FGF14: variants seen among roughly 807,000 people sequenced by gnomAD.
FGF14 encodes the protein fibroblast growth factor 14.
Under a neutral mutation model 25.5 loss-of-function variants are expected in FGF14, and 5 were observed. The observed-to-expected ratio is 0.20, with a 90% confidence interval of 0.10 to 0.41. The LOEUF is 0.41. FGF14 is among the 10% of genes least tolerant of loss of function. The pLI is 1.00. For synonymous variants in FGF14, 138 were observed against 118.3 expected, an observed-to-expected ratio of 1.17 and a Z score of -1.08; for missense variants, 222 against 320.1, an observed-to-expected ratio of 0.69 and a Z score of 2.34.
At position 101,714,369 on chromosome 13, in the gene FGF14, C is replaced by T. The variant is rs984924913; in HGVS notation, c.*8462G>A. The T allele has an allele frequency of 3.6e-5, 33 of 909,858 alleles. No individual in the cohort carries two copies. Among genetic ancestry groups the T allele is most frequent in the South Asian group, 8.0e-5 (6 of 75,072 alleles). 56.4% of individuals were successfully genotyped at this position (909,858 alleles called of 1,614,324 possible). On this transcript the variant is annotated 3_prime_UTR_variant, in exon 5 of 5. Transcript: ENST00000376143. The stretch of plus-strand genomic sequence containing the variant: ...TAGAAGCCTGTTGTCAGTGTGTCAA[C>T]GATATTCTATTCGAGATGGAAACCT...
chr13:102,316,390 C>A (rs1391355444), intron 1 of FGF14, among the ~76,000 whole-genome samples: 1 of 152,118 alleles, frequency 6.6e-6, no homozygotes, highest in Non-Finnish European at 1.5e-5. Context: ...TTAATTCGCT[C>A]GCCTGAATAT....
chr13:102,159,415 A>G (rs2047521853), intron 1 of FGF14, among the ~76,000 whole-genome samples: 3 of 152,340 alleles, frequency 2.0e-5, no homozygotes, highest in African/African-American at 7.2e-5. Flanking sequence ...TACAGAGTAC[A>G]AAAGTGGAAG....
chr13:101,910,816 G>T (rs910192209), intron 1 of FGF14, among the ~76,000 whole-genome samples: 1 of 144,300 alleles, frequency 6.9e-6, no homozygotes, highest in Non-Finnish European at 1.5e-5. Flanking sequence ...TCTCTGAAAT[G>T]GTCTCTTAGA....
chr13:102,160,931 A>T (rs573985180), intron 1 of FGF14, among the ~76,000 whole-genome samples: 1 of 152,318 alleles, frequency 6.6e-6, no homozygotes, highest in African/African-American at 2.4e-5. Flanking sequence ...AAGAACTCAC[A>T]ACTGAACCTC....
At chr13:101,766,822 TAG>T (rs953521382) in intron 3 of FGF14, among the ~76,000 whole-genome samples, 2 of 151,782 alleles carry the variant, frequency 1.3e-5, no homozygotes, top group African/African-American at 4.8e-5. Context: ...AAGGCAGAGG[TAG>T]AGATTAGGGT....
chr13:101,796,016 C>T (rs2040499374), intron 3 of FGF14, among the ~76,000 whole-genome samples: 1 of 151,984 alleles, frequency 6.6e-6, no homozygotes, highest in Non-Finnish European at 1.5e-5. Flanking sequence ...ATCTCAGATA[C>T]TTACCAAAAA....
intron 1 of FGF14, among the ~76,000 whole-genome samples, chr13:102,307,650 A>G (rs996949609): frequency 6.6e-6 from 1 of 152,176 alleles, no homozygotes; most frequent in Non-Finnish European, 1.5e-5. Flanking sequence ...TTTTTAGTAT[A>G]TGTACATGTA....
chr13:102,160,231 C>T (rs1208044121), intron 1 of FGF14, among the ~76,000 whole-genome samples: 1 of 152,152 alleles, frequency 6.6e-6, no homozygotes, highest in South Asian at 2.1e-4. Flanking sequence ...TCCCTAGCAT[C>T]CTCCACGCTT....
intron 1 of FGF14, among the ~76,000 whole-genome samples, chr13:102,131,931 G>A (rs1434083736): frequency 6.6e-6 from 1 of 152,204 alleles, no homozygotes; most frequent in African/African-American, 2.4e-5. Context: ...ACTAAAGATA[G>A]GAGGAATTAA....
chr13:101,968,608 G>A (rs981100155), intron 1 of FGF14, among the ~76,000 whole-genome samples: 1 of 149,616 alleles, frequency 6.7e-6, no homozygotes, highest in African/African-American at 2.5e-5. Flanking sequence ...GGGAGACGGA[G>A]CTTGCAGTGA....
At chr13:102,401,018 G>A (rs960996724) in intron 1 of FGF14, among the ~76,000 whole-genome samples, 1 of 152,078 alleles carries the variant, frequency 6.6e-6, no homozygotes, top group Non-Finnish European at 1.5e-5. Context: ...TCGTGGTGGC[G>A]AATATTGTGC....
chr13:102,171,504 G>T (rs116842493), intron 1 of FGF14, among the ~76,000 whole-genome samples: 4,195 of 151,950 alleles, frequency 0.028, 92 homozygotes, highest in Non-Finnish European at 0.047. Flanking sequence ...AAATCCTTCA[G>T]GAAGAGACAA....
chr13:102,293,487 C>A (rs1323725363), intron 1 of FGF14: 1 of 152,232 alleles, frequency 6.6e-6, no homozygotes, highest in African/African-American at 2.4e-5. Context: ...ATATGGCCGG[C>A]TGCACTTTTC....
At chr13:102,356,099 A>G (rs945618) in intron 1 of FGF14, among the ~76,000 whole-genome samples, 2,863 of 152,346 alleles carry the variant, frequency 0.019, 96 homozygotes, top group African/African-American at 0.065. Flanking sequence ...ACATTAGGTC[A>G]TAACATTTTT....
intron 1 of FGF14, among the ~76,000 whole-genome samples, chr13:102,145,481 T>C (rs1436302749): frequency 6.6e-6 from 1 of 152,134 alleles, no homozygotes; most frequent in Non-Finnish European, 1.5e-5. Flanking sequence ...AGAATTTCCC[T>C]TCCTCCAGGC....
At chr13:102,323,655 C>T (rs192976727) in intron 1 of FGF14, among the ~76,000 whole-genome samples, 65 of 152,192 alleles carry the variant, frequency 4.3e-4, no homozygotes, top group Admixed American at 7.9e-4. Context: ...TTTTACCAGA[C>T]GTCCCTCTAT....
chr13:102,394,555 G>A (rs1046393175), intron 1 of FGF14: 2 of 152,238 alleles, frequency 1.3e-5, no homozygotes, highest in Non-Finnish European at 2.9e-5. Flanking sequence ...AGACGCCCTA[G>A]GGTCAGAGGT....
intron 1 of FGF14, among the ~76,000 whole-genome samples, chr13:102,046,872 TAATG>T (rs1430214447): frequency 2.0e-5 from 3 of 152,188 alleles, no homozygotes; most frequent in South Asian, 2.1e-4. Flanking sequence ...GCTATTCCAA[TAATG>T]AATGTCTCTT....
At chr13:101,965,860 T>C (rs148938425) in intron 1 of FGF14, among the ~76,000 whole-genome samples, 2 of 152,232 alleles carry the variant, frequency 1.3e-5, no homozygotes, top group African/African-American at 4.8e-5. Context: ...TTTAACACAG[T>C]CCAGTCCAAA....
Sources: gnomAD v4.1 joint callset for allele counts (sites outside exome capture counted in the v4.1 genomes callset) on GRCh38, gnomAD v4.1.1 for gene constraint, MANE v1.5 for transcripts, NCBI Gene and HGNC (gene_info 2026-07-23, HGNC 2026-07-21) for gene names.